Variants in SRGAP1 observed in about 807,000 individuals in gnomAD.
The protein encoded by SRGAP1 is SLIT-ROBO Rho GTPase activating protein 1, also known as SLIT-ROBO Rho GTPase-activating protein 1.
Under a neutral mutation model 121.9 loss-of-function variants are expected in SRGAP1, and 43 were observed. The ratio of observed to expected loss-of-function variants is 0.35; its 90% CI spans 0.28 to 0.46. SRGAP1 has a LOEUF of 0.46. Ranked by LOEUF, SRGAP1 falls within the 20% of genes least tolerant of loss-of-function variation. The pLI is 1.00. For missense variants in SRGAP1, 1,102 were observed against 1,350.9 expected, an observed-to-expected ratio of 0.82 and a Z score of 2.89; for synonymous variants, 447 against 485.4, an observed-to-expected ratio of 0.92 and a Z score of 1.04.
intron 21 of SRGAP1, among the ~76,000 whole-genome samples, chr12:64,134,449 C>T (rs981567754): frequency 3.3e-5 from 5 of 151,996 alleles, no homozygotes; most frequent in Non-Finnish European, 7.4e-5. Context: ...GCAAGTGCTG[C>T]TCTCACAAAT....
chr12:63,949,110 ATACATTCATATATG>A (rs2032180671), intron 1 of SRGAP1, among the ~76,000 whole-genome samples: 2 of 78,984 alleles, frequency 2.5e-5, no homozygotes, highest in African/African-American at 9.7e-5. Context: ...TTCCATATAT[ATACATTCATATATG>A]TATTTTCCAT....
intron 18 of SRGAP1, among the ~76,000 whole-genome samples, chr12:64,119,374 C>T (rs1201244632): frequency 6.6e-6 from 1 of 152,280 alleles, no homozygotes; most frequent in African/African-American, 2.4e-5. Context: ...ATTTTAGACT[C>T]AGTTTTTCAA....
At chr12:63,961,072 A>G (rs1023288311) in intron 1 of SRGAP1, among the ~76,000 whole-genome samples, 2 of 152,078 alleles carry the variant, frequency 1.3e-5, no homozygotes, top group South Asian at 4.1e-4. Context: ...TTTTTTCCCC[A>G]CTAGATTTGT....
chr12:63,855,171 T>G lies in SRGAP1; in HGVS notation c.67+10288T>G, dbSNP rs73313492. 4.9e-3 allele frequency among the ~76,000 whole-genome samples: 740 copies of G among 152,330 alleles called. 11 individuals are homozygous for G. Among genetic ancestry groups the G allele is most frequent in the African/African-American group, 0.017 (708 of 41,582 alleles). On this transcript the variant is annotated intron_variant, in intron 1 of 21. Coordinates refer to ENST00000355086, the MANE Select transcript of SRGAP1 (RefSeq NM_020762.4). ...TCCATCTTGTGGTTCTGCCATTACCTAGATAAATGAACTTGTCTACTCTTT... is the reference window on the plus strand; with the variant it reads ...TCCATCTTGTGGTTCTGCCATTACCGAGATAAATGAACTTGTCTACTCTTT...
chr12:64,152,507 C>T lies in SRGAP1; in HGVS notation c.*9835C>T, dbSNP rs566844558. On this transcript the variant is annotated 3_prime_UTR_variant, in exon 22 of 22. Transcript: ENST00000355086. ...ATGCATCACTAACTAAATAGCAAAT[C>T]GGCGGAACTGAAATGAATTCAATGT... 2 of 152,232 alleles carry T rather than the reference C, an allele frequency of 1.3e-5. No individual in the cohort carries two copies. The highest frequency in any genetic ancestry group is 2.4e-5 in the African/African-American group (1 of 41,464). 9.4% of individuals were successfully genotyped at this position (152,232 alleles called of 1,614,324 possible).
chr12:64,116,338 C>T (rs2036523018), intron 18 of SRGAP1, among the ~76,000 whole-genome samples: 1 of 146,642 alleles, frequency 6.8e-6, no homozygotes, highest in South Asian at 2.2e-4. Context: ...ACAATGAAAA[C>T]CAATGAAACC....
chr12:63,918,484 A>G (rs541533519), intron 1 of SRGAP1, among the ~76,000 whole-genome samples: 6 of 152,262 alleles, frequency 3.9e-5, no homozygotes, highest in Non-Finnish European at 5.9e-5. Context: ...TAGTGCAGTC[A>G]TGGTTCACTG....
intron 3 of SRGAP1, among the ~76,000 whole-genome samples, chr12:64,006,702 G>A (rs1312953407): frequency 6.6e-6 from 1 of 152,096 alleles, no homozygotes; most frequent in Non-Finnish European, 1.5e-5. Flanking sequence ...TGTGGCCAGA[G>A]CATAACTCTA....
chr12:64,110,195 A>G (rs2036409848), intron 16 of SRGAP1, among the ~76,000 whole-genome samples: 1 of 152,112 alleles, frequency 6.6e-6, no homozygotes, highest in Admixed American at 6.5e-5. Flanking sequence ...ACCACCATAC[A>G]CCAGGATGGA....
intron 4 of SRGAP1, among the ~76,000 whole-genome samples, chr12:64,036,804 G>A (rs533369485): frequency 6.6e-6 from 1 of 152,298 alleles, no homozygotes; most frequent in South Asian, 2.1e-4. Flanking sequence ...GGATGGACAA[G>A]CTTACTATAA....
chr12:64,157,960 C>G lies in SRGAP1; in HGVS notation c.*15288C>G, dbSNP rs1362603534. The G allele has an allele frequency of 3.9e-5, 6 of 152,314 alleles. No homozygotes were observed. In the South Asian group the frequency reaches 6.2e-4, roughly 16 times the overall value. 9.4% of individuals were successfully genotyped at this position (152,314 alleles called of 1,614,324 possible). A position where few individuals can be genotyped will look rare whatever the true frequency, so the allele number is the denominator to read the frequency against. Reference sequence around the variant, plus strand: ...CATGAAGAGGAAGAGAAAGCACTTGCAATGATGTGAGGTTTTCTGTCTTGG... The same window carrying G: ...CATGAAGAGGAAGAGAAAGCACTTGGAATGATGTGAGGTTTTCTGTCTTGG... On this transcript the variant is annotated 3_prime_UTR_variant, in exon 22 of 22. Transcript: ENST00000355086.
At chr12:64,121,007 CTTTTTTT>C (rs35809572) in intron 18 of SRGAP1, among the ~76,000 whole-genome samples, 1 of 116,014 alleles carries the variant, frequency 8.6e-6, no homozygotes, top group African/African-American at 3.1e-5. Context: ...TTCTTTGTGT[CTTTTTTT>C]TTTTTTTTTT....
chr12:63,988,476 G>A (rs2033473675), intron 2 of SRGAP1, among the ~76,000 whole-genome samples: 1 of 152,146 alleles, frequency 6.6e-6, no homozygotes, highest in South Asian at 2.1e-4. Flanking sequence ...GGGAAGAATG[G>A]GAGGCTGCCC....
chr12:63,844,982 T>G lies in SRGAP1; in HGVS notation c.67+99T>G. On this transcript the variant is annotated intron_variant, in intron 1 of 21. Transcript: ENST00000355086. The surrounding 1 kb of genome is among the most constrained non-coding windows in gnomAD (Gnocchi z 4.3). ...ACTTGGTGTCTGCGTGGGAGGAAGG[T>G]GGTGAGGGGACAGCTCGAGCCCTGT... 8.1e-7 allele frequency: 1 copy of G among 1,233,778 alleles called. No homozygotes were observed. Among genetic ancestry groups the G allele is most frequent in the South Asian group, 1.2e-5 (1 of 82,374 alleles). 76.4% of individuals were successfully genotyped at this position (1,233,778 alleles called of 1,614,324 possible). A position where few individuals can be genotyped will look rare whatever the true frequency, so the allele number is the denominator to read the frequency against.
chr12:63,851,982 A>G (rs1899089511), intron 1 of SRGAP1, among the ~76,000 whole-genome samples: 1 of 151,666 alleles, frequency 6.6e-6, no homozygotes, highest in Admixed American at 6.6e-5. Flanking sequence ...CTTTCTATCT[A>G]CTGTATTTAT....
chr12:64,073,730 CAGTT>C (rs1032412808), intron 8 of SRGAP1, among the ~76,000 whole-genome samples: 1 of 146,652 alleles, frequency 6.8e-6, no homozygotes, highest in African/African-American at 2.5e-5. Flanking sequence ...TTTTGACCCA[CAGTT>C]GGTTGAATTT....
chr12:64,086,810 G>A (rs1407278372), intron 10 of SRGAP1, among the ~76,000 whole-genome samples, 189 bp from the exon 11 acceptor site: 1 of 149,070 alleles, frequency 6.7e-6, no homozygotes, highest in Non-Finnish European at 1.5e-5. Context: ...TTTATGTATA[G>A]ATTTTATGAA....
intron 1 of SRGAP1, among the ~76,000 whole-genome samples, chr12:63,953,399 A>ATTTT (rs34352334): frequency 1.7e-4 from 19 of 114,712 alleles, no homozygotes; most frequent in South Asian, 3.1e-4. Flanking sequence ...TTCTTGATTG[A>ATTTT]TTTTTTTTTT....
chr12:64,059,673 T>C (rs2035409856), intron 6 of SRGAP1, among the ~76,000 whole-genome samples: 1 of 152,188 alleles, frequency 6.6e-6, no homozygotes, highest in African/African-American at 2.4e-5. Flanking sequence ...TCTTGAAAGA[T>C]AGAATAATTT....
Sources: allele counts gnomAD v4.1 joint callset (sites outside exome capture counted in the v4.1 genomes callset), GRCh38; gene constraint gnomAD v4.1.1; non-coding constraint Gnocchi (gnomAD v3.1); transcripts MANE v1.5; gene names NCBI Gene and HGNC (gene_info 2026-07-23, HGNC 2026-07-21).